GPC5: variants seen among roughly 807,000 people sequenced by gnomAD.
GPC5 encodes the protein glypican-5.
A neutral mutation model predicts 53.9 loss-of-function variants in GPC5; 47 were observed. That is an observed-to-expected ratio of 0.87 (90% CI 0.69 to 1.11). The LOEUF (loss-of-function observed/expected upper bound fraction) is 1.11, where lower values mean the gene tolerates loss of function less well. Among genes scored for constraint, GPC5 ranks in the 50% most tolerant of loss-of-function variants. GPC5 has a pLI of 0.00. For missense variants in GPC5, 748 were observed against 713.1 expected, an observed-to-expected ratio of 1.05 and a Z score of -0.56; for synonymous variants, 286 against 263.3, an observed-to-expected ratio of 1.09 and a Z score of -0.84.
At chr13:92,042,203 C>A (rs917935522) in intron 6 of GPC5, among the ~76,000 whole-genome samples, 1 of 152,094 alleles carries the variant, frequency 6.6e-6, no homozygotes, top group African/African-American at 2.4e-5. Flanking sequence ...CTTTTGATTC[C>A]CTATCCGTGG....
At chr13:92,081,794 A>G (rs777851888) in intron 6 of GPC5, among the ~76,000 whole-genome samples, 2 of 152,218 alleles carry the variant, frequency 1.3e-5, no homozygotes, top group African/African-American at 2.4e-5. Flanking sequence ...TTTGCTGATG[A>G]AATTAACCCA....
chr13:91,797,473 C>T (rs1370625023), intron 5 of GPC5, among the ~76,000 whole-genome samples: 1 of 152,056 alleles, frequency 6.6e-6, no homozygotes, highest in Non-Finnish European at 1.5e-5. Flanking sequence ...TTTTTGTTTT[C>T]CAAATGAATC....
Position 91,862,745 on chromosome 13 carries a change from C to A in GPC5, c.1281-45192C>A, listed in dbSNP as rs372140303. Among the ~76,000 whole-genome samples, 229 of 152,130 alleles carry A rather than the reference C, an allele frequency of 1.5e-3. 1 individual carries two copies. The Middle Eastern group carries it at 0.054, about 36-fold the overall frequency. On this transcript the variant is annotated intron_variant, in intron 5 of 7. Coordinates refer to ENST00000377067, the MANE Select transcript of GPC5 (RefSeq NM_004466.6). Reference sequence around the variant, plus strand: ...AAAATTAATGTTAATATATTGCTACCATCTAATTTTCAAGCCCCCATTAAA... The same window carrying A: ...AAAATTAATGTTAATATATTGCTACAATCTAATTTTCAAGCCCCCATTAAA...
chr13:92,345,186 G>A (rs2043400505), intron 7 of GPC5, among the ~76,000 whole-genome samples: 1 of 151,854 alleles, frequency 6.6e-6, no homozygotes. Flanking sequence ...AACAAAATAA[G>A]CAAATCAAAA....
At chr13:92,719,347 G>T (rs1888436139) in intron 7 of GPC5, among the ~76,000 whole-genome samples, 1 of 152,040 alleles carries the variant, frequency 6.6e-6, no homozygotes, top group African/African-American at 2.4e-5. Flanking sequence ...TGACTTTTAA[G>T]CTAAAAGAAA....
rs139771681 is a variant in GPC5 at position 92,272,585 on chromosome 13, A to T, written c.1561+127596A>T. On this transcript the variant is annotated intron_variant, in intron 7 of 7. Coordinates refer to ENST00000377067, the MANE Select transcript of GPC5 (RefSeq NM_004466.6). ...AGTCAAGACTCTGTGAAGGAATGGCATTGGAAAGTGTAATTATCAGTCTCT... is the reference window on the plus strand; with the variant it reads ...AGTCAAGACTCTGTGAAGGAATGGCTTTGGAAAGTGTAATTATCAGTCTCT... Among the ~76,000 whole-genome samples, 461 of 152,318 alleles carry T rather than the reference A, an allele frequency of 3.0e-3. 1 individual carries two copies. The highest frequency in any genetic ancestry group is 4.6e-3 in the Non-Finnish European group (315 of 68,032).
chr13:91,547,005 C>G (rs958548933), intron 2 of GPC5, among the ~76,000 whole-genome samples: 1 of 151,914 alleles, frequency 6.6e-6, no homozygotes, highest in African/African-American at 2.4e-5. Context: ...TGGATAAGTT[C>G]TGGATGTGTG....
At chr13:92,084,680 G>A (rs1185050792) in intron 6 of GPC5, among the ~76,000 whole-genome samples, 1 of 152,102 alleles carries the variant, frequency 6.6e-6, no homozygotes, top group African/African-American at 2.4e-5. Flanking sequence ...CCTTCAGATT[G>A]TTGTCAGGAT....
intron 2 of GPC5, among the ~76,000 whole-genome samples, chr13:91,458,902 A>G (rs772630136): frequency 3.3e-5 from 5 of 152,172 alleles, no homozygotes; most frequent in Non-Finnish European, 7.4e-5. Context: ...AAATAATGGC[A>G]TTTGCAACAA....
At chr13:92,121,302 G>C (rs756431914) in intron 6 of GPC5, among the ~76,000 whole-genome samples, 1 of 152,166 alleles carries the variant, frequency 6.6e-6, no homozygotes, top group Non-Finnish European at 1.5e-5. Context: ...TTGGGTGAAA[G>C]TTCTGGTTCA....
chr13:92,627,563 A>C (rs1182798753), intron 7 of GPC5, among the ~76,000 whole-genome samples: 1 of 152,244 alleles, frequency 6.6e-6, no homozygotes, highest in Non-Finnish European at 1.5e-5. Flanking sequence ...CAACATATTT[A>C]CTGTAATTCA....
intron 5 of GPC5, among the ~76,000 whole-genome samples, chr13:91,803,374 A>G: frequency 6.6e-6 from 1 of 152,344 alleles, no homozygotes; most frequent in East Asian, 1.9e-4. Flanking sequence ...GAGGAGTTAT[A>G]TCACTCATAG....
intron 7 of GPC5, among the ~76,000 whole-genome samples, chr13:92,727,216 C>T (rs561416386): frequency 4.1e-4 from 62 of 151,472 alleles, no homozygotes; most frequent in Non-Finnish European, 7.4e-4. Context: ...GAAATGTGTG[C>T]GTAAACAGAC....
chr13:91,552,349 C>A (rs898931026), intron 2 of GPC5, among the ~76,000 whole-genome samples: 1 of 151,854 alleles, frequency 6.6e-6, no homozygotes, highest in Non-Finnish European at 1.5e-5. Context: ...TTATATCTAA[C>A]GTGTAAGGAA....
At chr13:91,952,242 C>T (rs557355803) in intron 6 of GPC5, among the ~76,000 whole-genome samples, 1 of 151,902 alleles carries the variant, frequency 6.6e-6, no homozygotes, top group Non-Finnish European at 1.5e-5. Flanking sequence ...CCAGGCACTG[C>T]AGTGGTTACT....
At chr13:92,482,541 C>T (rs1174782836) in intron 7 of GPC5, among the ~76,000 whole-genome samples, 1 of 152,126 alleles carries the variant, frequency 6.6e-6, no homozygotes, top group African/African-American at 2.4e-5. Flanking sequence ...TCTTTAACAC[C>T]ATTCTTCTTT....
chr13:92,487,230 G>A (rs888305441), intron 7 of GPC5, among the ~76,000 whole-genome samples: 3 of 152,166 alleles, frequency 2.0e-5, no homozygotes, highest in African/African-American at 7.2e-5. Context: ...TCTCCATGCA[G>A]TTAACAGAAT....
chr13:92,595,637 G>A (rs7989398), intron 7 of GPC5, among the ~76,000 whole-genome samples: 36,228 of 150,612 alleles, frequency 0.24, 4,496 homozygotes, highest in African/African-American at 0.25. Context: ...GCGTGGTGGC[G>A]GGCACCTGTA....
intron 7 of GPC5, among the ~76,000 whole-genome samples, chr13:92,587,504 C>T (rs896788356): frequency 5.3e-5 from 8 of 151,102 alleles, no homozygotes; most frequent in African/African-American, 2.4e-5. Flanking sequence ...GTCTAACAGG[C>T]AATATTTTGT....
Sources: allele counts gnomAD v4.1 joint callset (sites outside exome capture counted in the v4.1 genomes callset), GRCh38; gene constraint gnomAD v4.1.1; transcripts MANE v1.5; gene names NCBI Gene and HGNC (gene_info 2026-07-23, HGNC 2026-07-21).